The following NBAS variants were observed in gnomAD, a reference collection of about 807,000 sequenced individuals.
NBAS encodes NAG/BC035112 fusion.
Under a neutral mutation model 302.5 loss-of-function variants are expected in NBAS, and 219 were observed. The ratio of observed to expected loss-of-function variants is 0.72; its 90% CI spans 0.65 to 0.81. The LOEUF is 0.81. NBAS is among the 30% of genes least tolerant of loss of function. NBAS has a pLI of 0.00. For synonymous variants in NBAS, 1,118 were observed against 1,021.6 expected, an observed-to-expected ratio of 1.09 and a Z score of -1.80; for missense variants, 2,932 against 2,841.6, an observed-to-expected ratio of 1.03 and a Z score of -0.72.
chr2:14,889,002 A>C, the NBAS span, among the ~76,000 whole-genome samples: 1 of 152,068 alleles, frequency 6.6e-6, no homozygotes. Context: ...CTCTGTTCGG[A>C]ACTCCCTTTT....
intron 41 of NBAS, among the ~76,000 whole-genome samples, chr2:15,291,732 A>G (rs1367226739): frequency 1.3e-5 from 2 of 152,188 alleles, no homozygotes. Context: ...CAACAAGTCA[A>G]TTGTATCTAG....
At chr2:15,518,187 T>C (rs1470825419) in intron 9 of NBAS, among the ~76,000 whole-genome samples, 4 of 151,284 alleles carry the variant, frequency 2.6e-5, no homozygotes, top group South Asian at 4.2e-4. Context: ...CCCACAAGTG[T>C]AGTGAAATAC....
chr2:14,782,262 A>G, the NBAS span, among the ~76,000 whole-genome samples: 1 of 152,142 alleles, frequency 6.6e-6, no homozygotes, highest in Non-Finnish European at 1.5e-5. Flanking sequence ...ACTTGTTCTT[A>G]AAACAATGTT....
intron 44 of NBAS, among the ~76,000 whole-genome samples, chr2:15,247,855 G>C (rs1668175526): frequency 6.6e-6 from 1 of 151,804 alleles, no homozygotes; most frequent in Non-Finnish European, 1.5e-5. Flanking sequence ...CACAATAATA[G>C]TGGGAGACTT....
chr2:14,963,105 C>T, the NBAS span, among the ~76,000 whole-genome samples: 2 of 151,940 alleles, frequency 1.3e-5, no homozygotes, highest in African/African-American at 4.8e-5. Flanking sequence ...TCCGTCTCTA[C>T]TAAAAATATA....
chr2:14,955,775 T>G, the NBAS span, among the ~76,000 whole-genome samples: 2 of 152,186 alleles, frequency 1.3e-5, no homozygotes, highest in Non-Finnish European at 2.9e-5. Flanking sequence ...GTCCCAAGGC[T>G]GCATAGAGCA....
intron 23 of NBAS, among the ~76,000 whole-genome samples, chr2:15,421,799 G>A (rs137967096): frequency 1.4e-3 from 206 of 152,250 alleles, no homozygotes; most frequent in African/African-American, 4.4e-3. Context: ...GTTTCAGAAA[G>A]CTCTATAGGT....
At chr2:14,935,992 G>A in the NBAS span, among the ~76,000 whole-genome samples, 8 of 152,284 alleles carry the variant, frequency 5.3e-5, no homozygotes, top group Admixed American at 2.0e-4. Context: ...AGACTCATCC[G>A]AATAAAATAG....
At chr2:15,407,329 C>T (rs112523064) in intron 25 of NBAS, among the ~76,000 whole-genome samples, 30 of 152,234 alleles carry the variant, frequency 2.0e-4, no homozygotes, top group Admixed American at 7.8e-4. Flanking sequence ...GTATGCCCTC[C>T]GCAAACATAT....
At chr2:14,820,955 A>C in the NBAS span, among the ~76,000 whole-genome samples, 1 of 147,356 alleles carries the variant, frequency 6.8e-6, no homozygotes, top group African/African-American at 2.5e-5. Context: ...TCCGAGACGG[A>C]GTCTTGCTCT....
At chr2:15,013,330 A>G in the NBAS span, among the ~76,000 whole-genome samples, 1 of 152,246 alleles carries the variant, frequency 6.6e-6, no homozygotes, top group Non-Finnish European at 1.5e-5. Flanking sequence ...ACTTATTACT[A>G]TAGAAAACCA....
chr2:15,272,843 G>T (rs1449001029), intron 44 of NBAS, among the ~76,000 whole-genome samples: 1 of 152,140 alleles, frequency 6.6e-6, no homozygotes, highest in Admixed American at 6.5e-5. Flanking sequence ...ATTTTCAGGG[G>T]TTGGCGGACA....
chr2:14,958,378 A>G, the NBAS span, among the ~76,000 whole-genome samples: 1 of 152,186 alleles, frequency 6.6e-6, no homozygotes, highest in East Asian at 1.9e-4. Flanking sequence ...GACATTTGAC[A>G]ACTCAATCAG....
At chr2:14,893,121 G>A in the NBAS span, among the ~76,000 whole-genome samples, 1 of 152,128 alleles carries the variant, frequency 6.6e-6, no homozygotes, top group South Asian at 2.1e-4. Flanking sequence ...ACTTGTTCTT[G>A]AGTCAGTTTT....
At chr2:14,780,541 T>G in the NBAS span, among the ~76,000 whole-genome samples, 3 of 152,216 alleles carry the variant, frequency 2.0e-5, no homozygotes, top group African/African-American at 4.8e-5. Flanking sequence ...ATGCAAAGAT[T>G]TGGTAATCGT....
At chr2:14,903,870 C>T in the NBAS span, among the ~76,000 whole-genome samples, 1 of 152,086 alleles carries the variant, frequency 6.6e-6, no homozygotes, top group South Asian at 2.1e-4. Flanking sequence ...ATGTTAGACA[C>T]AGCAGGGCCT....
the NBAS span, among the ~76,000 whole-genome samples, chr2:15,084,088 G>A: frequency 6.6e-6 from 1 of 150,674 alleles, no homozygotes; most frequent in Admixed American, 6.6e-5. Flanking sequence ...GTCTCACTCT[G>A]TTGCCCAGGC....
At chr2:14,807,765 T>A in the NBAS span, among the ~76,000 whole-genome samples, 2 of 152,172 alleles carry the variant, frequency 1.3e-5, no homozygotes, top group African/African-American at 4.8e-5. Flanking sequence ...AATACCTACA[T>A]GAGCCACAAC....
At chr2:15,424,164 A>C in intron 23 of NBAS, 151 bp downstream of exon 23, 3 of 1,006,440 alleles carry the variant, frequency 3.0e-6, no homozygotes, top group Non-Finnish European at 4.5e-6. Flanking sequence ...TCTAATGCAC[A>C]GGATAACAAA....
Sources: gnomAD v4.1 joint callset for allele counts (sites outside exome capture counted in the v4.1 genomes callset) on GRCh38, gnomAD v4.1.1 for gene constraint, MANE v1.5 for transcripts, NCBI Gene and HGNC (gene_info 2026-07-23, HGNC 2026-07-21) for gene names.